RPP14: variants seen among roughly 807,000 people sequenced by gnomAD.
RPP14 encodes ribonuclease P/MRP subunit p14.
A neutral mutation model predicts 17.8 loss-of-function variants in RPP14; 19 were observed. The observed-to-expected ratio is 1.07, with a 90% CI of 0.74 to 1.57. The LOEUF (loss-of-function observed/expected upper bound fraction) is 1.57. Ranked by LOEUF, RPP14 falls within the 40% of genes most tolerant of loss-of-function variation. The pLI is 0.00. For missense variants in RPP14, 125 were observed against 140.8 expected, an observed-to-expected ratio of 0.89 and a Z score of 0.57; for synonymous variants, 60 against 56.4, an observed-to-expected ratio of 1.06 and a Z score of -0.29.
intron 1 of RPP14, among the ~76,000 whole-genome samples, chr3:58,307,423 C>G (rs972928939): frequency 4.6e-5 from 7 of 152,160 alleles, no homozygotes; most frequent in Admixed American, 4.6e-4. Flanking sequence ...TGCGCAGCCA[C>G]TAAAAAAGGC....
Position 58,320,053 on chromosome 3 carries a change from C to G in RPP14, c.*2557C>G, listed in dbSNP as rs374535477. The G allele has an allele frequency of 1.2e-4, 19 of 152,114 alleles. No individual in the cohort carries two copies. The East Asian group carries it at 2.3e-3, about 18-fold the overall frequency. 9.4% of individuals were successfully genotyped at this position (152,114 alleles called of 1,614,324 possible). A position where few individuals can be genotyped will look rare whatever the true frequency, so the allele number is the denominator to read the frequency against. Reference sequence around the variant, plus strand: ...ATGGGTTTCCCTGTTCTGGACATTTCATAAAAGTTCATACAATGTATGATC... The same window carrying G: ...ATGGGTTTCCCTGTTCTGGACATTTGATAAAAGTTCATACAATGTATGATC... On this transcript the variant is annotated 3_prime_UTR_variant, in exon 6 of 6. Coordinates refer to ENST00000295959, the MANE Select transcript of RPP14 (RefSeq NM_007042.6).
rs563070623 is a variant in RPP14, at chr3:58,310,125, C to T, written c.-21-184C>T. 4.3e-4 allele frequency: 240 copies of T among 563,842 alleles called. 1 individual carries two copies. The highest frequency in any genetic ancestry group is 4.1e-3 in the African/African-American group (216 of 53,120). 34.9% of individuals were successfully genotyped at this position (563,842 alleles called of 1,614,324 possible). ...TGAGGCAGGAGGATCACCTGAGCCTCGAGAGCCAGAGGTGGAGGCTGCAGT... is the reference window on the plus strand; with the variant it reads ...TGAGGCAGGAGGATCACCTGAGCCTTGAGAGCCAGAGGTGGAGGCTGCAGT... On this transcript the variant is annotated intron_variant, in intron 1 of 5. Transcript: ENST00000295959.
At chr3:58,317,059 C>A in intron 5 of RPP14, 66 bp downstream of exon 5, 2 of 1,130,430 alleles carry the variant, frequency 1.8e-6, no homozygotes, top group Non-Finnish European at 2.6e-6. Context: ...TCTTAATATA[C>A]ACAACTCATT....
intron 1 of RPP14, among the ~76,000 whole-genome samples, chr3:58,308,970 T>G (rs1395929545): frequency 6.6e-6 from 1 of 152,240 alleles, no homozygotes; most frequent in Non-Finnish European, 1.5e-5. Context: ...GAGCATGTTC[T>G]ACGTTCTTGA....
chr3:58,307,067 A>T (rs989441321), intron 1 of RPP14, among the ~76,000 whole-genome samples: 1 of 152,176 alleles, frequency 6.6e-6, no homozygotes, highest in East Asian at 1.9e-4. Flanking sequence ...CTTTCCCAGC[A>T]TGGGGAAAAG....
chr3:58,310,465 A>G (rs1306118777), intron 2 of RPP14, 42 bp from the exon 3 acceptor site: 1 of 1,595,652 alleles, frequency 6.3e-7, no homozygotes, highest in Non-Finnish European at 8.5e-7. Context: ...ATCTGAATAG[A>G]ATGAAATTTA....
intron 3 of RPP14, among the ~76,000 whole-genome samples, chr3:58,311,278 C>G (rs1021843008): frequency 6.6e-6 from 1 of 152,272 alleles, no homozygotes; most frequent in South Asian, 2.1e-4. Flanking sequence ...CCTTAGCCCC[C>G]CTGGTAGCTG....
Position 58,316,686 on chromosome 3 carries a change from T to G in RPP14, c.239+95T>G, listed in dbSNP as rs770888075. ...CTGAGAATGAGAATAAATTTTTTGT[T>G]GTGAACTCTGAGCAGCTTTTGGGAA... is the stretch of plus-strand genomic sequence containing the variant. On this transcript the variant is annotated intron_variant, in intron 4 of 5. Transcript: ENST00000295959. 4.6e-4 allele frequency: 530 copies of G among 1,153,154 alleles called. No homozygotes were observed. The highest frequency in any genetic ancestry group is 2.9e-4 in the Non-Finnish European group (223 of 773,660). 71.4% of individuals were successfully genotyped at this position (1,153,154 alleles called of 1,614,324 possible).
intron 5 of RPP14, 119 bp from the exon 6 acceptor site, chr3:58,317,321 C>T: frequency 1.5e-6 from 1 of 673,934 alleles, no homozygotes; most frequent in South Asian, 1.9e-5. Flanking sequence ...TCTCAGGATG[C>T]TCTGTAAAAT....
At position 58,319,008 on chromosome 3, in the gene RPP14, A is replaced by G. The variant is rs1033718971; in HGVS notation, c.*1512A>G. On this transcript the variant is annotated 3_prime_UTR_variant, in exon 6 of 6. Coordinates refer to ENST00000295959, the MANE Select transcript of RPP14 (RefSeq NM_007042.6). ...ACTCCACCTCAAAAAAAAAAAAAAG[A>G]TTCTACTTTTAGAAATTCAGACCTA... 13 of 151,912 alleles carry G rather than the reference A, an allele frequency of 8.6e-5. No individual in the cohort carries two copies. The highest frequency in any genetic ancestry group is 3.3e-4 in the Admixed American group (5 of 15,230). 9.4% of individuals were successfully genotyped at this position (151,912 alleles called of 1,614,324 possible). A position where few individuals can be genotyped will look rare whatever the true frequency, so the allele number is the denominator to read the frequency against.
At chr3:58,316,438 C>T in intron 3 of RPP14, 77 bp from the exon 4 acceptor site, 1 of 1,337,072 alleles carries the variant, frequency 7.5e-7, no homozygotes. Context: ...GCTCAAAACT[C>T]ATTTGTTGTC....
Position 58,310,375 on chromosome 3 carries a change from C to G in RPP14, c.46C>G (p.Pro16Ala). ...ATYERVVYKN[P>A]SEYHYMKVCL... ...ATATGAAAGAGTAGTTTACAAAAACCCTTCCGAGTACCACTACATGAAAGT... is the reference window on the plus strand; with the variant it reads ...ATATGAAAGAGTAGTTTACAAAAACGCTTCCGAGTACCACTACATGAAAGT... Residue 16 changes from proline (P) to alanine (A), a missense_variant, in exon 2 of 6, where the codon CCT becomes GCT. By Grantham distance (27) the Pro-to-Ala change is conservative. Coordinates refer to ENST00000295959, the MANE Select transcript of RPP14 (RefSeq NM_007042.6). 3.1e-6 allele frequency: 5 copies of G among 1,614,152 alleles called. No individual in the cohort carries two copies. The highest frequency in any genetic ancestry group is 4.2e-6 in the Non-Finnish European group (5 of 1,180,022).
Position 58,318,301 on chromosome 3 carries a change from A to T in RPP14, c.*805A>T. On this transcript the variant is annotated 3_prime_UTR_variant, in exon 6 of 6. Transcript: ENST00000295959. ...TCCAGTTTGGCCTTATGCTTCATGC[A>T]GACTTGAGTGTATGCAGGATTTCAT... 1 of 517,672 alleles carries T rather than the reference A, an allele frequency of 1.9e-6. No homozygotes were observed. Among genetic ancestry groups the T allele is most frequent in the Non-Finnish European group, 3.4e-6 (1 of 296,768 alleles). The allele number at this position is 517,672 out of a possible 1,614,324, so 32.1% of individuals were successfully genotyped here. A position where few individuals can be genotyped will look rare whatever the true frequency, so the allele number is the denominator to read the frequency against.
Position 58,318,703 on chromosome 3 carries a change from A to G in RPP14, c.*1207A>G, listed in dbSNP as rs1301063280. ...AAAGAAGTATTGGGAAGGTTATTTAAAGACTCTACTTTTAAATCAGGCGTG... is the reference window on the plus strand; with the variant it reads ...AAAGAAGTATTGGGAAGGTTATTTAGAGACTCTACTTTTAAATCAGGCGTG... On this transcript the variant is annotated 3_prime_UTR_variant, in exon 6 of 6. Transcript: ENST00000295959. 6.7e-6 allele frequency: 1 copy of G among 148,698 alleles called. No homozygotes were observed. Among genetic ancestry groups the G allele is most frequent in the Non-Finnish European group, 1.5e-5 (1 of 67,370 alleles). The allele number at this position is 148,698 out of a possible 1,614,324, so 9.2% of individuals were successfully genotyped here.
At position 58,310,597 on chromosome 3, in the gene RPP14, G is replaced by C. The variant is rs1470904705; in HGVS notation, c.162+6G>C. 1.2e-6 allele frequency: 2 copies of C among 1,606,876 alleles called. No homozygotes were observed. The highest frequency in any genetic ancestry group is 4.5e-5 in the East Asian group (2 of 44,836). The stretch of plus-strand genomic sequence containing the variant: ...TGAAGGACCTGTTTGGGGAGGTATG[G>C]AATCACTTGGTAGATTGAACATTCC... On this transcript the variant is annotated splice_donor_region_variant and intron_variant, in intron 3 of 5. Transcript: ENST00000295959.
intron 3 of RPP14, among the ~76,000 whole-genome samples, chr3:58,315,404 G>A (rs892965813): frequency 6.6e-6 from 1 of 152,094 alleles, no homozygotes; most frequent in Admixed American, 6.6e-5. Flanking sequence ...GGGTGTGGCT[G>A]TAAAGGGTAG....
chr3:58,308,750 C>T (rs1485346225), intron 1 of RPP14, among the ~76,000 whole-genome samples: 1 of 152,078 alleles, frequency 6.6e-6, no homozygotes, highest in Non-Finnish European at 1.5e-5. Flanking sequence ...CCTCAGTTTC[C>T]TGTTCCCTGT....
intron 1 of RPP14, 191 bp from the exon 2 acceptor site, chr3:58,310,118 T>C: frequency 1.8e-6 from 1 of 558,082 alleles, no homozygotes; most frequent in Non-Finnish European, 3.2e-6. Flanking sequence ...GAGGATCACC[T>C]GAGCCTCGAG....
intron 3 of RPP14, among the ~76,000 whole-genome samples, chr3:58,311,133 CTTT>C (rs2097481768): frequency 1.0e-5 from 1 of 96,560 alleles, no homozygotes; most frequent in African/African-American, 4.5e-5. Context: ...ATGAAATCTA[CTTT>C]TTGTTGTTGT....
Sources: gnomAD v4.1 joint callset for allele counts (sites outside exome capture counted in the v4.1 genomes callset) on GRCh38, gnomAD v4.1.1 for gene constraint, MANE v1.5 for transcripts, NCBI Gene and HGNC (gene_info 2026-07-23, HGNC 2026-07-21) for gene names.